Variants in GUCD1 observed in about 807,000 individuals in gnomAD.
The protein encoded by GUCD1 is guanylyl cyclase domain containing 1.
In GUCD1, 17 loss-of-function variants were observed where a neutral mutation model predicts 28.3. The observed-to-expected ratio is 0.60, with a 90% CI of 0.41 to 0.90. GUCD1 has a LOEUF of 0.90. GUCD1 is among the 40% of genes least tolerant of loss of function. GUCD1 has a pLI of 0.00. For missense variants in GUCD1, 279 were observed against 305.5 expected, an observed-to-expected ratio of 0.91 and a Z score of 0.65; for synonymous variants, 129 against 123.3, an observed-to-expected ratio of 1.05 and a Z score of -0.30.
intron 4 of GUCD1, among the ~76,000 whole-genome samples, 191 bp from the exon 5 acceptor site, chr22:24,544,274 G>GGT (rs1555889692): frequency 3.3e-5 from 5 of 150,474 alleles, no homozygotes; most frequent in South Asian, 4.2e-4. Context: ...CGGTGGGGGG[G>GGT]GTGTGTGTGT....
In GUCD1 at chr22:24,546,973, C is replaced by T; in HGVS notation, c.327G>A (p.Glu109=). The change falls in exon 4 of 6, where the codon GAG becomes GAA. Residue 109 remains glutamate (E), a synonymous_variant. Coordinates refer to ENST00000435822, the MANE Select transcript of GUCD1 (RefSeq NM_001284254.2). ...GTGCAAACAGCTGATTCACCCGGGT[C>T]TCTTCTGTGTCAAAGTGCTTCCTGT... is the stretch of plus-strand genomic sequence containing the variant. ...SFYRKHFDTE[E]TRVNQLFAQA... The T allele has an allele frequency of 6.2e-7, 1 of 1,614,112 alleles. No individual in the cohort carries two copies. Among genetic ancestry groups the T allele is most frequent in the Non-Finnish European group, 8.5e-7 (1 of 1,180,026 alleles).
chr22:24,550,896 CG>C (rs111359525), intron 1 of GUCD1, among the ~76,000 whole-genome samples: 102 of 152,326 alleles, frequency 6.7e-4, no homozygotes, highest in African/African-American at 2.4e-3. Context: ...TCCTAGGATG[CG>C]GCCCTTGCAT....
chr22:24,543,187 G>T, intron 5 of GUCD1, 90 bp from the exon 6 acceptor site: 1 of 924,584 alleles, frequency 1.1e-6, no homozygotes, highest in Non-Finnish European at 1.8e-6. Context: ...GCTGAGTGAG[G>T]TCTGTTTCCC....
intron 2 of GUCD1, 60 bp from the exon 3 acceptor site, chr22:24,548,133 C>T: frequency 6.8e-7 from 1 of 1,474,810 alleles, no homozygotes; most frequent in Non-Finnish European, 9.4e-7. Context: ...GTCTGAGTCA[C>T]CCTCCACCCA....
chr22:24,553,454 C>G (rs1331505909), intron 1 of GUCD1, among the ~76,000 whole-genome samples: 1 of 152,210 alleles, frequency 6.6e-6, no homozygotes, highest in Non-Finnish European at 1.5e-5. Context: ...CCTTCCAACC[C>G]TCAGCCCAGA....
chr22:24,555,275 C>G, upstream of GUCD1: 2 of 1,365,186 alleles, frequency 1.5e-6, no homozygotes, highest in Non-Finnish European at 1.9e-6. Flanking sequence ...CATTCGCCGC[C>G]TCAGCGTTGA....
Position 24,554,190 on chromosome 22 carries a change from G to GT in GUCD1, c.43+758dup, listed in dbSNP as rs557552598. Among the ~76,000 whole-genome samples the GT allele has an allele frequency of 5.9e-5, 9 of 152,354 alleles. No homozygotes were observed. In the East Asian group the frequency reaches 1.7e-3, roughly 29 times the overall value. On this transcript the variant is annotated intron_variant, in intron 1 of 5. Transcript: ENST00000435822. ...GCCTCATAGAACACTCCCTGTGAAT[G>GT]TAAGCCATTCCTCCTCTGAGGCTCA...
intron 3 of GUCD1, chr22:24,547,595 C>T: frequency 3.1e-6 from 1 of 321,968 alleles, no homozygotes; most frequent in East Asian, 5.7e-5. Context: ...CTGGGCCTGC[C>T]TTGTGCTGAG....
intron 1 of GUCD1, among the ~76,000 whole-genome samples, chr22:24,552,383 G>C (rs2044899568): frequency 6.6e-6 from 1 of 152,238 alleles, no homozygotes. Flanking sequence ...AATGAACTGA[G>C]ACAGCAGGAA....
rs576459098 is a variant in GUCD1 at position 24,540,888 on chromosome 22, T to G, written c.*2118A>C. On this transcript the variant is annotated 3_prime_UTR_variant, in exon 6 of 6. Coordinates refer to ENST00000435822, the MANE Select transcript of GUCD1 (RefSeq NM_001284254.2). Reference sequence around the variant, plus strand: ...ACTGAGGTGCTGTTACCACCCTCCATGAAGGCCACTCCCTAGTGACAGCCC... The same window carrying G: ...ACTGAGGTGCTGTTACCACCCTCCAGGAAGGCCACTCCCTAGTGACAGCCC... 6.0e-6 allele frequency: 1 copy of G among 167,200 alleles called. No homozygotes were observed. Among genetic ancestry groups the G allele is most frequent in the Non-Finnish European group, 1.5e-5 (1 of 68,294 alleles). The allele number at this position is 167,200 out of a possible 1,614,324, so 10.4% of individuals were successfully genotyped here. A position where few individuals can be genotyped will look rare whatever the true frequency, so the allele number is the denominator to read the frequency against.
chr22:24,549,015 G>A lies in GUCD1; in HGVS notation c.44-14C>T. ...GCACAAAGTCCCCTGTGCAGAAACA[G>A]AGGGAGGTCACAGACCCTCAGCGCA... On this transcript the variant is annotated splice_polypyrimidine_tract_variant and intron_variant, in intron 1 of 5. Transcript: ENST00000435822. 1.9e-6 allele frequency: 3 copies of A among 1,556,330 alleles called. No homozygotes were observed. Among genetic ancestry groups the A allele is most frequent in the Non-Finnish European group, 2.6e-6 (3 of 1,147,026 alleles).
intron 3 of GUCD1, 94 bp from the exon 4 acceptor site, chr22:24,547,099 G>A: frequency 1.0e-6 from 1 of 984,234 alleles, no homozygotes; most frequent in Non-Finnish European, 1.6e-6. Context: ...CAGAGGCAGA[G>A]ACAGCAGGAG....
At chr22:24,552,835 T>C (rs2044918828) in intron 1 of GUCD1, among the ~76,000 whole-genome samples, 1 of 151,774 alleles carries the variant, frequency 6.6e-6, no homozygotes, top group African/African-American at 2.4e-5. Context: ...GGTCTCACTC[T>C]GTCGCCCAGG....
chr22:24,550,050 G>A (rs1308683139), intron 1 of GUCD1, among the ~76,000 whole-genome samples: 3 of 152,218 alleles, frequency 2.0e-5, no homozygotes, highest in Non-Finnish European at 2.9e-5. Flanking sequence ...GCGACCTCTC[G>A]GTCTGTCTTT....
upstream of GUCD1, chr22:24,555,689 G>C: frequency 6.4e-7 from 1 of 1,550,640 alleles, no homozygotes; most frequent in African/African-American, 1.4e-5. Flanking sequence ...TGCTGTCCCC[G>C]GTCTGAGGGC....
At chr22:24,547,084 T>C in intron 3 of GUCD1, 79 bp from the exon 4 acceptor site, 1 of 1,139,334 alleles carries the variant, frequency 8.8e-7, no homozygotes, top group Non-Finnish European at 1.3e-6. Flanking sequence ...ATAAAGAGCG[T>C]GTTACAGAGG....
Position 24,555,009 on chromosome 22 carries a change from G to A in GUCD1, c.-18C>T, listed in dbSNP as rs1189676599. 2 of 1,499,590 alleles carry A rather than the reference G, an allele frequency of 1.3e-6. No individual in the cohort carries two copies. The highest frequency in any genetic ancestry group is 2.6e-5 in the South Asian group (2 of 77,526). The allele number at this position is 1,499,590 out of a possible 1,614,324, so 92.9% of individuals were successfully genotyped here. On this transcript the variant is annotated 5_prime_UTR_variant, in exon 1 of 6. Coordinates refer to ENST00000435822, the MANE Select transcript of GUCD1 (RefSeq NM_001284254.2). ...GTCCTCATGACCCGGGCGGCGCGGG[G>A]CGCCCATGGCCCCGGCCCAGAGCGG...
At chr22:24,547,214 T>A in intron 3 of GUCD1, 1 of 549,676 alleles carries the variant, frequency 1.8e-6, no homozygotes, top group Non-Finnish European at 3.3e-6. Context: ...CACAGAGGCA[T>A]GAGGATGATG....
Position 24,543,055 on chromosome 22 carries a change from G to C in GUCD1, c.671C>G (p.Thr224Ser), listed in dbSNP as rs367984746. 2 of 1,613,944 alleles carry C rather than the reference G, an allele frequency of 1.2e-6. No individual in the cohort carries two copies. The highest frequency in any genetic ancestry group is 2.7e-5 in the African/African-American group (2 of 74,932). Residue 224 changes from threonine (T) to serine (S), a missense_variant, in exon 6 of 6, where the codon ACC becomes AGC. Physicochemically the swap from Thr to Ser is moderately conservative, Grantham distance 58. Transcript: ENST00000435822. ...GATGTCCTCATCTGTGCCATAGCTG[G>C]TTCTGGCCTCCTCAAAGTTACTGAT... The part of the protein sequence containing the change: ...TSISNFEEAR[T>S]SYGTDEDILF...
Sources: gnomAD v4.1 joint callset for allele counts (sites outside exome capture counted in the v4.1 genomes callset) on GRCh38, gnomAD v4.1.1 for gene constraint, MANE v1.5 for transcripts, NCBI Gene and HGNC (gene_info 2026-07-23, HGNC 2026-07-21) for gene names.